Variants in NEB observed in about 807,000 individuals in gnomAD.
NEB encodes the protein nebulin.
In NEB, 512 loss-of-function variants were observed where a neutral mutation model predicts 952.2. The observed-to-expected ratio is 0.54, with a 90% CI of 0.50 to 0.58. The LOEUF (loss-of-function observed/expected upper bound fraction) is 0.58, where lower values mean the gene tolerates loss of function less well. Ranked by LOEUF, NEB falls within the 20% of genes least tolerant of loss-of-function variation. NEB has a pLI of 0.00. For missense variants in NEB, 8,428 were observed against 9,231.1 expected (o/e 0.91, Z 3.56); for synonymous variants, 2,900 against 3,149.8 (o/e 0.92, Z 2.66).
intron 161 of NEB, among the ~76,000 whole-genome samples, chr2:151,511,577 A>G (rs1373716330): frequency 6.6e-6 from 1 of 152,236 alleles, no homozygotes; most frequent in African/African-American, 2.4e-5. Flanking sequence ...AAGCACAGCT[A>G]GGGCACGTTA....
rs576634292 is a variant in NEB at position 151,671,529 on chromosome 2, AT to A, written c.4300-301del. 8.8e-4 allele frequency: 281 copies of A among 320,732 alleles called. 1 individual carries two copies. Among genetic ancestry groups the A allele is most frequent in the Admixed American group, 2.0e-3 (45 of 22,832 alleles). 19.9% of individuals were successfully genotyped at this position (320,732 alleles called of 1,614,324 possible). ...CTATAATGGTTGTTTATCTTAAAGCATTTTTTTTCAAGTCACTTACTGTATT... is the reference window on the plus strand; with the variant it reads ...CTATAATGGTTGTTTATCTTAAAGCATTTTTTTCAAGTCACTTACTGTATT... On this transcript the variant is annotated intron_variant, in intron 37 of 181. Transcript: ENST00000397345.
intron 129 of NEB, among the ~76,000 whole-genome samples, chr2:151,551,387 C>A (rs2095329387): frequency 6.6e-6 from 1 of 152,174 alleles, no homozygotes; most frequent in Admixed American, 6.5e-5. Flanking sequence ...GGTTCTTTCT[C>A]TTCTGAATTC....
chr2:151,662,020 A>G, intron 46 of NEB, 115 bp downstream of exon 46: 2 of 815,354 alleles, frequency 2.5e-6, no homozygotes, highest in Non-Finnish European at 3.6e-6. Context: ...TTCTAGGTAA[A>G]ATAACCTCAA....
intron 105 of NEB, among the ~76,000 whole-genome samples, chr2:151,576,659 G>C (rs1197703936): frequency 6.7e-6 from 1 of 148,548 alleles, no homozygotes; most frequent in Non-Finnish European, 1.5e-5. Context: ...AGCCTCCCGA[G>C]TAGTTGAGAC....
intron 10 of NEB, among the ~76,000 whole-genome samples, chr2:151,712,769 G>A (rs1039324380): frequency 1.2e-4 from 18 of 152,072 alleles, no homozygotes; most frequent in Non-Finnish European, 4.4e-5. Context: ...CTCTACCAGC[G>A]AAGGGGTCCC....
chr2:151,611,657 T>C (rs1394942559), intron 78 of NEB, among the ~76,000 whole-genome samples: 1 of 151,964 alleles, frequency 6.6e-6, no homozygotes, highest in African/African-American at 2.4e-5. Context: ...ATGAAACAAA[T>C]GATCATCTAT....
In NEB at chr2:151,519,747, C is replaced by A. The variant is rs774715573; in HGVS notation, c.22501G>T (p.Asp7501Tyr). The A allele has an allele frequency of 1.2e-6, 2 of 1,611,356 alleles. No individual in the cohort carries two copies. Among genetic ancestry groups the A allele is most frequent in the African/African-American group, 1.3e-5 (1 of 74,780 alleles). The change falls in exon 154 of 182, where the codon GAT (aspartate) becomes TAT (tyrosine). Residue 7501 changes from aspartate (D) to tyrosine (Y), a missense_variant. This residue lies in a region of NEB where 3,374 missense variants were observed against 3,651.5 expected (regional missense o/e 0.92). Transcript: ENST00000397345. ...SSQVKYRENF[D>Y]KEKGKTPKYN... Reference sequence around the variant, plus strand: ...TTTGGTGTCTTGCCCTTTTCTTTATCGAAATTTTCTCGGTATTTAACCTAA... The same window carrying A: ...TTTGGTGTCTTGCCCTTTTCTTTATAGAAATTTTCTCGGTATTTAACCTAA...
intron 105 of NEB, among the ~76,000 whole-genome samples, chr2:151,578,070 C>T (rs1410458023): frequency 6.6e-6 from 1 of 152,164 alleles, no homozygotes; most frequent in Non-Finnish European, 1.5e-5. Flanking sequence ...GATGAGCATG[C>T]TTTCCTGTAA....
In NEB at chr2:151,663,654, T is replaced by G; in HGVS notation, c.5657A>C (p.Glu1886Ala). The G allele has an allele frequency of 6.2e-7, 1 of 1,613,778 alleles. No individual in the cohort carries two copies. Among genetic ancestry groups the G allele is most frequent in the Non-Finnish European group, 8.5e-7 (1 of 1,179,768 alleles). ...LSVVAAKKSQ[E>A]VATNANYRNV... ...CCTGTAGTTGGCATTGGTGGCCACTTCCTGAGACTTCTTGGCTGCCACCAC... is the reference window on the plus strand; with the variant it reads ...CCTGTAGTTGGCATTGGTGGCCACTGCCTGAGACTTCTTGGCTGCCACCAC... Residue 1886 changes from glutamate (E) to alanine (A), a missense_variant, in exon 45 of 182, where the codon GAA becomes GCA. By Grantham distance (107) the Glu-to-Ala change is moderately radical. Around this residue, in one of 11 missense-constraint regions of NEB, gnomAD observed 2,851 missense variants for 2,791.5 expected, o/e 1.02. Coordinates refer to ENST00000397345, the MANE Select transcript of NEB (RefSeq NM_001164508.2).
intron 63 of NEB, among the ~76,000 whole-genome samples, chr2:151,638,671 C>A (rs2098805908): frequency 6.6e-6 from 1 of 152,186 alleles, no homozygotes; most frequent in Admixed American, 6.5e-5. Context: ...GGAGGGGTAC[C>A]TTTGCACTAG....
chr2:151,662,991 C>T (rs2099164827), intron 45 of NEB, among the ~76,000 whole-genome samples: 1 of 152,198 alleles, frequency 6.6e-6, no homozygotes, highest in Non-Finnish European at 1.5e-5. Flanking sequence ...GGGTTTGTAA[C>T]TTAATTCACC....
At chr2:151,706,361 G>A (rs1206772307) in intron 13 of NEB, among the ~76,000 whole-genome samples, 1 of 152,134 alleles carries the variant, frequency 6.6e-6, no homozygotes, top group African/African-American at 2.4e-5. Context: ...CTCTCAGGCT[G>A]TTAGTCCTTT....
chr2:151,643,019 G>T, intron 58 of NEB, 131 bp downstream of exon 58: 1 of 1,173,204 alleles, frequency 8.5e-7, no homozygotes, highest in Non-Finnish European at 1.2e-6. Context: ...TCAATAAGAA[G>T]CACAATACTT....
Position 151,561,322 on chromosome 2 carries a change from A to C in NEB, c.18997-10T>G, listed in dbSNP as rs4544436. The C allele has an allele frequency of 8.3e-6, 13 of 1,563,684 alleles. No homozygotes were observed. In the African/African-American group the frequency reaches 1.3e-4, roughly 16 times the overall value. On this transcript the variant is annotated splice_polypyrimidine_tract_variant and intron_variant, in intron 121 of 181. Coordinates refer to ENST00000397345, the MANE Select transcript of NEB (RefSeq NM_001164508.2). ...CTGCTGTATATTGTAGCTGTGAAGA[A>C]AAACAAAAGTCATCAAAAATGGTAA... is the stretch of plus-strand genomic sequence containing the variant.
rs2099344412 is a variant in NEB, at chr2:151,674,592, G to GA, written c.3880-9dup. On this transcript the variant is annotated splice_polypyrimidine_tract_variant and intron_variant, in intron 35 of 181. Transcript: ENST00000397345. Reference sequence around the variant, plus strand: ...ATCCCGTTTATAACAGACCTGGACAGAAAAGCAAACAGAATGTCAGCATCT... The same window carrying GA: ...ATCCCGTTTATAACAGACCTGGACAGAAAAAGCAAACAGAATGTCAGCATCT... The GA allele has an allele frequency of 3.8e-6, 6 of 1,580,076 alleles. No individual in the cohort carries two copies. Among genetic ancestry groups the GA allele is most frequent in the Non-Finnish European group, 4.3e-6 (5 of 1,149,998 alleles).
rs201293220 is a variant in NEB at position 151,498,951 on chromosome 2, T to TAA, written c.24114+345_24114+346dup. On this transcript the variant is annotated intron_variant, in intron 169 of 181. Transcript: ENST00000397345. ...ACAGTAGAGATAGAAAAGGTTAGAA[T>TAA]AAGAAACGAGGATAATAGTCGGATC... Among the ~76,000 whole-genome samples, 347 of 152,094 alleles carry TAA rather than the reference T, an allele frequency of 2.3e-3. 6 individuals carry two copies. In the East Asian group the frequency reaches 0.045, roughly 20 times the overall value.
intron 64 of NEB, among the ~76,000 whole-genome samples, chr2:151,634,715 C>G (rs1201849566): frequency 1.3e-5 from 2 of 151,760 alleles, no homozygotes. Flanking sequence ...GTAGTAGCAA[C>G]CGAGGAGAAT....
chr2:151,568,451 G>T lies in NEB; in HGVS notation c.17635-34C>A, dbSNP rs1161212195. The T allele has an allele frequency of 1.9e-6, 3 of 1,565,182 alleles. No individual in the cohort carries two copies. The Admixed American group carries it at 5.0e-5, about 26-fold the overall frequency. ...AAAAAAATGAGAGGCAAGGGGGCAAGTTACTTGTTAAGAAAGCATCATGTT... is the reference window on the plus strand; with the variant it reads ...AAAAAAATGAGAGGCAAGGGGGCAATTTACTTGTTAAGAAAGCATCATGTT... On this transcript the variant is annotated intron_variant, in intron 111 of 181. Transcript: ENST00000397345.
chr2:151,539,142 T>G (rs912795678), intron 138 of NEB, among the ~76,000 whole-genome samples: 6 of 152,160 alleles, frequency 3.9e-5, no homozygotes, highest in African/African-American at 7.2e-5. Context: ...TGCTGTCCAG[T>G]GGGGCATGAT....
Sources: allele counts gnomAD v4.1 joint callset (sites outside exome capture counted in the v4.1 genomes callset), GRCh38; gene constraint gnomAD v4.1.1; regional missense constraint gnomAD v4.1.1; transcripts MANE v1.5; gene names NCBI Gene and HGNC (gene_info 2026-07-23, HGNC 2026-07-21).